The following VPS13A variants were observed in gnomAD, a reference collection of about 807,000 sequenced individuals.
VPS13A encodes intermembrane lipid transfer protein VPS13A.
VPS13A carries 264 observed loss-of-function variants against 390.9 expected under a neutral mutation model. The observed-to-expected ratio is 0.68, with a 90% confidence interval of 0.61 to 0.75. The LOEUF (loss-of-function observed/expected upper bound fraction) is 0.75. Among genes scored for constraint, VPS13A ranks in the 30% least tolerant of loss-of-function variants. The pLI is 0.00. For missense variants in VPS13A, 3,409 were observed against 3,733.9 expected, an observed-to-expected ratio of 0.91 and a Z score of 2.27; for synonymous variants, 1,231 against 1,227.1, an observed-to-expected ratio of 1.00 and a Z score of -0.07.
intron 22 of VPS13A, among the ~76,000 whole-genome samples, chr9:77,252,730 G>T (rs757691616): frequency 2.0e-5 from 3 of 152,088 alleles, no homozygotes; most frequent in South Asian, 2.1e-4. Context: ...CATATAAGTG[G>T]AATCATAGAA....
chr9:77,401,461 C>A (rs1248887025), intron 68 of VPS13A, among the ~76,000 whole-genome samples: 2 of 151,686 alleles, frequency 1.3e-5, no homozygotes, highest in East Asian at 3.9e-4. Flanking sequence ...TCCAAAATTT[C>A]TTTTACTCCC....
intron 17 of VPS13A, among the ~76,000 whole-genome samples, chr9:77,234,274 T>G (rs998991679): frequency 6.6e-6 from 1 of 152,184 alleles, no homozygotes; most frequent in African/African-American, 2.4e-5. Context: ...ACTCCTGGGC[T>G]CAAGTGATCT....
Position 77,370,593 on chromosome 9 carries a change from A to C in VPS13A, c.8907+15A>C. 6.2e-7 allele frequency: 1 copy of C among 1,614,012 alleles called. No individual in the cohort carries two copies. Among genetic ancestry groups the C allele is most frequent in the Non-Finnish European group, 8.5e-7 (1 of 1,180,004 alleles). ...GCTTAGTTTCTGTAAGAAATTTCAC[A>C]GGGTTGTGAAGATTTTGGGAAATAT... On this transcript the variant is annotated intron_variant, in intron 65 of 71. Coordinates refer to ENST00000360280, the MANE Select transcript of VPS13A (RefSeq NM_033305.3).
Position 77,365,586 on chromosome 9 carries a change from C to A in VPS13A, c.8325+13C>A. 2 of 1,511,672 alleles carry A rather than the reference C, an allele frequency of 1.3e-6. No individual in the cohort carries two copies. Among genetic ancestry groups the A allele is most frequent in the South Asian group, 1.1e-5 (1 of 88,648 alleles). The allele number at this position is 1,511,672 out of a possible 1,614,324, so 93.6% of individuals were successfully genotyped here. Reference sequence around the variant, plus strand: ...ATCTCCTATCAAGGTAGGAGAAAGTCATTTTTATTGTCCTTGATAATCTAG... The same window carrying A: ...ATCTCCTATCAAGGTAGGAGAAAGTAATTTTTATTGTCCTTGATAATCTAG... On this transcript the variant is annotated intron_variant, in intron 60 of 71. Coordinates refer to ENST00000360280, the MANE Select transcript of VPS13A (RefSeq NM_033305.3).
rs539987796 is a variant in VPS13A at position 77,321,595 on chromosome 9, T to C, written c.5679T>C (p.Ser1893=). The C allele has an allele frequency of 6.2e-7, 1 of 1,613,500 alleles. No homozygotes were observed. Among genetic ancestry groups the C allele is most frequent in the South Asian group, 1.1e-5 (1 of 91,062 alleles). ...SLGLTISVSP[S]DSFSVLNIPM... ...GACTTACTATTTCTGTTTCGCCAAG[T>C]GATTCTTTTAGTGTACTCAACATTC... Residue 1893 remains serine, a synonymous_variant, in exon 44 of 72, where the codon AGT becomes AGC. Transcript: ENST00000360280.
At chr9:77,239,715 AATTT>A (rs1411006288) in intron 19 of VPS13A, among the ~76,000 whole-genome samples, 3 of 151,800 alleles carry the variant, frequency 2.0e-5, no homozygotes, top group Non-Finnish European at 4.4e-5. Context: ...GCATTTAATT[AATTT>A]ATTTAGGCTT....
chr9:77,305,582 T>C, intron 34 of VPS13A: 1 of 199,342 alleles, frequency 5.0e-6, no homozygotes, highest in Non-Finnish European at 1.0e-5. Flanking sequence ...AATGTCCTGG[T>C]GATGCTGCCA....
In VPS13A at chr9:77,177,694, G is replaced by A; in HGVS notation, c.-11G>A. 1 of 1,612,708 alleles carries A rather than the reference G, an allele frequency of 6.2e-7. No individual in the cohort carries two copies. Among genetic ancestry groups the A allele is most frequent in the South Asian group, 1.1e-5 (1 of 91,064 alleles). ...ACGGGCCGGCTGCCGTGCCCACCACGGCTGAGGAACATGGTTTTCGAGTCG... is the reference window on the plus strand; with the variant it reads ...ACGGGCCGGCTGCCGTGCCCACCACAGCTGAGGAACATGGTTTTCGAGTCG... On this transcript the variant is annotated 5_prime_UTR_variant, in exon 1 of 72. Transcript: ENST00000360280.
At chr9:77,246,085 A>G (rs1178440797) in intron 19 of VPS13A, among the ~76,000 whole-genome samples, 1 of 152,186 alleles carries the variant, frequency 6.6e-6, no homozygotes, top group Non-Finnish European at 1.5e-5. Flanking sequence ...TGACCCAGAC[A>G]GGTCTTATTA....
intron 71 of VPS13A, among the ~76,000 whole-genome samples, chr9:77,408,988 G>T (rs1422680563): frequency 7.9e-5 from 12 of 152,204 alleles, no homozygotes; most frequent in Admixed American, 7.9e-4. Flanking sequence ...AGAATGGACA[G>T]ACTGCCTCCT....
At position 77,353,654 on chromosome 9, in the gene VPS13A, A is replaced by G. The variant is rs768055623; in HGVS notation, c.7652+13A>G. The G allele has an allele frequency of 6.3e-7, 1 of 1,593,808 alleles. No individual in the cohort carries two copies. The highest frequency in any genetic ancestry group is 1.1e-5 in the South Asian group (1 of 90,456). Reference sequence around the variant, plus strand: ...TAGGCATTACAAGGTTAGATGCATTAAATTTTGGATACATTTAAATGATCA... The same window carrying G: ...TAGGCATTACAAGGTTAGATGCATTGAATTTTGGATACATTTAAATGATCA... On this transcript the variant is annotated intron_variant, in intron 54 of 71. Transcript: ENST00000360280.
chr9:77,279,211 T>C (rs949480565), intron 26 of VPS13A, among the ~76,000 whole-genome samples: 1 of 152,184 alleles, frequency 6.6e-6, no homozygotes, highest in African/African-American at 2.4e-5. Flanking sequence ...CAAGGTTTTA[T>C]TGAGTGGTGG....
chr9:77,354,807 C>G (rs546418966), intron 54 of VPS13A, among the ~76,000 whole-genome samples: 3 of 152,102 alleles, frequency 2.0e-5, no homozygotes, highest in Non-Finnish European at 4.4e-5. Flanking sequence ...ATCTCACCCC[C>G]CAATATCACA....
At chr9:77,300,061 C>G (rs1226667868) in intron 33 of VPS13A, among the ~76,000 whole-genome samples, 3 of 152,216 alleles carry the variant, frequency 2.0e-5, no homozygotes, top group African/African-American at 4.8e-5. Context: ...CCTGCACATT[C>G]TGCACATGTA....
At chr9:77,413,577 T>C (rs1467562345) in intron 71 of VPS13A, among the ~76,000 whole-genome samples, 1 of 152,176 alleles carries the variant, frequency 6.6e-6, no homozygotes. Context: ...TTACACCTTA[T>C]ACAAAAATTA....
intron 67 of VPS13A, among the ~76,000 whole-genome samples, chr9:77,380,280 AT>A (rs201533397): frequency 4.0e-5 from 6 of 149,932 alleles, no homozygotes; most frequent in African/African-American, 9.8e-5. Flanking sequence ...GTTAGATCAT[AT>A]TTTTTTTATC....
At chr9:77,244,788 C>G (rs970750924) in intron 19 of VPS13A, among the ~76,000 whole-genome samples, 2 of 151,662 alleles carry the variant, frequency 1.3e-5, no homozygotes, top group Non-Finnish European at 2.9e-5. Flanking sequence ...CTATAATCAG[C>G]CCAAATGCTG....
In VPS13A at chr9:77,357,096, G is replaced by A. The variant is rs1292469872; in HGVS notation, c.7806+229G>A. Among the ~76,000 whole-genome samples, 4 of 152,008 alleles carry A rather than the reference G, an allele frequency of 2.6e-5. No individual in the cohort carries two copies. The East Asian group carries it at 7.7e-4, about 29-fold the overall frequency. ...GCACTTTGGGAGGCTGAGGCAGGCG[G>A]ATTACTTGAGGTCAGGAGTTCGAGA... On this transcript the variant is annotated intron_variant, in intron 55 of 71. Transcript: ENST00000360280.
chr9:77,360,227 A>T (rs889675615), intron 58 of VPS13A, among the ~76,000 whole-genome samples: 5 of 152,250 alleles, frequency 3.3e-5, no homozygotes, highest in Non-Finnish European at 7.4e-5. Context: ...TGTTCATTCA[A>T]CATTTTTATT....
Sources: gnomAD v4.1 joint callset for allele counts (sites outside exome capture counted in the v4.1 genomes callset) on GRCh38, gnomAD v4.1.1 for gene constraint, MANE v1.5 for transcripts, NCBI Gene and HGNC (gene_info 2026-07-23, HGNC 2026-07-21) for gene names.